Variants in TRIM8 observed in about 807,000 individuals in gnomAD.
TRIM8 encodes E3 ubiquitin-protein ligase TRIM8.
A neutral mutation model predicts 55.7 loss-of-function variants in TRIM8; 9 were observed. That is an observed-to-expected ratio of 0.16 (90% CI 0.10 to 0.28). The LOEUF (loss-of-function observed/expected upper bound fraction) is 0.28. Among genes scored for constraint, TRIM8 ranks in the 10% least tolerant of loss-of-function variants. The pLI, the probability that TRIM8 is intolerant of heterozygous loss-of-function variation, is 1.00. For synonymous variants in TRIM8, 335 were observed against 333.3 expected, an observed-to-expected ratio of 1.01 and a Z score of -0.06; for missense variants, 556 against 736.4, an observed-to-expected ratio of 0.76 and a Z score of 2.83.
At chr10:102,649,523 TCTGGG>T (rs2063963766) in intron 1 of TRIM8, among the ~76,000 whole-genome samples, 1 of 152,302 alleles carries the variant, frequency 6.6e-6, no homozygotes, top group South Asian at 2.1e-4. Context: ...CCTCCCTGGC[TCTGGG>T]AAAGCCTTCC....
rs1387524267 is a variant in TRIM8 at position 102,644,560 on chromosome 10, G to A, written c.-58G>A. Reference sequence around the variant, plus strand: ...CGGTGGGCCTACAGCGGCTCCGGACGGACCCCCGGGGCTGGGGAGTCGGGG... The same window carrying A: ...CGGTGGGCCTACAGCGGCTCCGGACAGACCCCCGGGGCTGGGGAGTCGGGG... On this transcript the variant is annotated 5_prime_UTR_variant, in exon 1 of 6. Coordinates refer to ENST00000643721, the MANE Select transcript of TRIM8 (RefSeq NM_030912.3). The A allele has an allele frequency of 3.9e-6, 6 of 1,549,040 alleles. No individual in the cohort carries two copies. Among genetic ancestry groups the A allele is most frequent in the Non-Finnish European group, 3.5e-6 (4 of 1,142,610 alleles).
chr10:102,646,270 C>T (rs1281499697), intron 1 of TRIM8, among the ~76,000 whole-genome samples: 1 of 152,140 alleles, frequency 6.6e-6, no homozygotes, highest in East Asian at 1.9e-4. Flanking sequence ...ACCGAGGAGT[C>T]CTCTCTGAAG....
intron 1 of TRIM8, among the ~76,000 whole-genome samples, chr10:102,647,646 G>A (rs143834308): frequency 1.6e-4 from 25 of 152,286 alleles, no homozygotes; most frequent in African/African-American, 4.8e-4. Flanking sequence ...TTCTCTTCCC[G>A]GAGGGAGTCT....
In TRIM8 at chr10:102,656,142, G is replaced by A; in HGVS notation, c.932+5G>A. On this transcript the variant is annotated splice_donor_5th_base_variant and intron_variant, in intron 4 of 5. Transcript: ENST00000643721. The surrounding 1 kb of genome is among the most constrained non-coding windows in gnomAD (Gnocchi z 4.6). ...TGTGAAAATCCTGATGGACAGGTAA[G>A]CTGAGGGCCCTAGCCCTCCCGGGGG... 1 of 1,614,144 alleles carries A rather than the reference G, an allele frequency of 6.2e-7. No homozygotes were observed. Among genetic ancestry groups the A allele is most frequent in the East Asian group, 2.2e-5 (1 of 44,874 alleles).
chr10:102,648,998 G>A (rs956600032), intron 1 of TRIM8, among the ~76,000 whole-genome samples: 1 of 151,408 alleles, frequency 6.6e-6, no homozygotes, highest in Non-Finnish European at 1.5e-5. Flanking sequence ...TGCCTTCTGC[G>A]GCCCTGGGTG....
chr10:102,655,255 A>G lies in TRIM8; in HGVS notation c.842A>G (p.Lys281Arg). 1 of 1,600,264 alleles carries G rather than the reference A, an allele frequency of 6.2e-7. No individual in the cohort carries two copies. The highest frequency in any genetic ancestry group is 8.5e-7 in the Non-Finnish European group (1 of 1,176,464). The change falls in exon 3 of 6, where the codon AAG (lysine) becomes AGG (arginine). Residue 281 changes from lysine to arginine, a missense_variant. Physicochemically the swap from Lys to Arg is conservative, Grantham distance 26. Transcript: ENST00000643721. ...GGGGAGCGCATGCAGGAGGCCAAGA[A>G]GCTGCTGGGCTCCCTGCAGCTGCTC... ...HLGERMQEAK[K>R]LLGSLQLLFD...
intron 1 of TRIM8, among the ~76,000 whole-genome samples, chr10:102,647,019 G>C (rs1482566282): frequency 1.3e-5 from 2 of 152,188 alleles, no homozygotes; most frequent in Non-Finnish European, 2.9e-5. Context: ...TTAGGTGTCT[G>C]TGTTTTTGAA....
chr10:102,650,606 T>C (rs2063976710), intron 1 of TRIM8, among the ~76,000 whole-genome samples: 1 of 152,174 alleles, frequency 6.6e-6, no homozygotes, highest in South Asian at 2.1e-4. Flanking sequence ...GTGTACGCAG[T>C]CCAGGCCATG....
Position 102,657,686 on chromosome 10 carries a change from T to G in TRIM8, c.*332T>G. The G allele has an allele frequency of 4.9e-6, 1 of 202,116 alleles. No homozygotes were observed. 12.5% of individuals were successfully genotyped at this position (202,116 alleles called of 1,614,324 possible). On this transcript the variant is annotated 3_prime_UTR_variant, in exon 6 of 6. Coordinates refer to ENST00000643721, the MANE Select transcript of TRIM8 (RefSeq NM_030912.3). ...CTACTCCTTCCCCTTCACACCCCCG[T>G]GGCTGGAAGGAACCTCGGCTTCCCT...
Position 102,650,410 on chromosome 10 carries a change from A to C in TRIM8, c.571-4243A>C, listed in dbSNP as rs900310915. On this transcript the variant is annotated intron_variant, in intron 1 of 5. Transcript: ENST00000643721. ...TGGAGGGTGGGAATGGCGGCTCCTGATTCTTCATGCTTTTGTCCTCATAGG... is the reference window on the plus strand; with the variant it reads ...TGGAGGGTGGGAATGGCGGCTCCTGCTTCTTCATGCTTTTGTCCTCATAGG... Among the ~76,000 whole-genome samples, 11 of 152,156 alleles carry C rather than the reference A, an allele frequency of 7.2e-5. No homozygotes were observed. The East Asian group carries it at 1.7e-3, about 24-fold the overall frequency.
At position 102,656,204 on chromosome 10, in the gene TRIM8, C is replaced by T. The variant is rs1162093064; in HGVS notation, c.933-66C>T. ...GAGGGCAGGGGGGCCAGGCCCATGG[C>T]GGGGAGGTAGGGCGGGCTCACCGGT... On this transcript the variant is annotated intron_variant, in intron 4 of 5. Transcript: ENST00000643721. The surrounding 1 kb of genome is among the most constrained non-coding windows in gnomAD (Gnocchi z 4.6). 37 of 1,613,908 alleles carry T rather than the reference C, an allele frequency of 2.3e-5. No homozygotes were observed. The Admixed American group carries it at 2.3e-4, about 10-fold the overall frequency.
intron 1 of TRIM8, among the ~76,000 whole-genome samples, chr10:102,648,103 C>T (rs960216291): frequency 3.3e-5 from 5 of 152,186 alleles, no homozygotes; most frequent in African/African-American, 1.2e-4. Flanking sequence ...GTGCCTAGAT[C>T]CTAAATGTGC....
rs1189706736 is a variant in TRIM8 at position 102,645,194 on chromosome 10, A to C, written c.570+7A>C. ...CCGAAGGAATGAAATCCGGGCAAGT[A>C]CCCTACGCGCGCGCGCGCACACACA... On this transcript the variant is annotated splice_region_variant and intron_variant, in intron 1 of 5. Transcript: ENST00000643721. 6.5e-7 allele frequency: 1 copy of C among 1,526,774 alleles called. No individual in the cohort carries two copies. Among genetic ancestry groups the C allele is most frequent in the Admixed American group, 2.0e-5 (1 of 50,450 alleles). The allele number at this position is 1,526,774 out of a possible 1,614,324, so 94.6% of individuals were successfully genotyped here. A position where few individuals can be genotyped will look rare whatever the true frequency, so the allele number is the denominator to read the frequency against.
chr10:102,648,799 G>A (rs1409390198), intron 1 of TRIM8, among the ~76,000 whole-genome samples: 2 of 152,118 alleles, frequency 1.3e-5, no homozygotes, highest in Non-Finnish European at 2.9e-5. Context: ...GCACGCACGT[G>A]TGTTTGTGGT....
intron 1 of TRIM8, among the ~76,000 whole-genome samples, chr10:102,650,310 C>A (rs1341424008): frequency 6.6e-6 from 1 of 152,198 alleles, no homozygotes; most frequent in Non-Finnish European, 1.5e-5. Context: ...TGTAGGGGCT[C>A]AGGGTTCGCT....
chr10:102,656,803 G>A lies in TRIM8; in HGVS notation c.1105G>A (p.Val369Met), dbSNP rs906018239. ...GAGTGTCCCCCTGTACCCTTGCGGC[G>A]TGAGCAGCTCTGGGGCGGAAAAGCG... ...LQSVPLYPCGVSSSGAEKRKH... is the reference protein window; with the variant it reads ...LQSVPLYPCGMSSSGAEKRKH... The change falls in exon 6 of 6, where the codon GTG becomes ATG. Residue 369 changes from valine to methionine, a missense_variant. By Grantham distance (21) the Val-to-Met change is conservative. This residue lies in a region of TRIM8 where 391 missense variants were observed against 441.0 expected (regional missense o/e 0.89). Coordinates refer to ENST00000643721, the MANE Select transcript of TRIM8 (RefSeq NM_030912.3). This position sits in a 1 kb window ranked among gnomAD's most constrained non-coding sequence, Gnocchi z 4.6. The A allele has an allele frequency of 2.0e-6, 3 of 1,521,742 alleles. No homozygotes were observed. The highest frequency in any genetic ancestry group is 1.4e-5 in the African/African-American group (1 of 71,886). 94.3% of individuals were successfully genotyped at this position (1,521,742 alleles called of 1,614,324 possible).
intron 1 of TRIM8, among the ~76,000 whole-genome samples, chr10:102,651,727 C>G (rs916771274): frequency 6.6e-6 from 1 of 152,202 alleles, no homozygotes; most frequent in African/African-American, 2.4e-5. Flanking sequence ...CTTGGGGCAA[C>G]CAGCAGGCAA....
chr10:102,651,344 C>G (rs1016393220), intron 1 of TRIM8, among the ~76,000 whole-genome samples: 1 of 152,150 alleles, frequency 6.6e-6, no homozygotes, highest in Non-Finnish European at 1.5e-5. Flanking sequence ...TGAGCCCCAC[C>G]CCCCCAGGAC....
In TRIM8 at chr10:102,656,699, G is replaced by A; in HGVS notation, c.1049-48G>A. On this transcript the variant is annotated intron_variant, in intron 5 of 5. Transcript: ENST00000643721. The surrounding 1 kb of genome is among the most constrained non-coding windows in gnomAD (Gnocchi z 4.6). ...TCCAACCCAGGGAGAGGAGGCCTGG[G>A]TTGCTTGGGGTGGGAGCTTTGGCGA... 5 of 1,507,094 alleles carry A rather than the reference G, an allele frequency of 3.3e-6. No individual in the cohort carries two copies. The highest frequency in any genetic ancestry group is 2.3e-5 in the East Asian group (1 of 43,576). The allele number at this position is 1,507,094 out of a possible 1,614,324, so 93.4% of individuals were successfully genotyped here. A position where few individuals can be genotyped will look rare whatever the true frequency, so the allele number is the denominator to read the frequency against.
Sources: allele counts gnomAD v4.1 joint callset (sites outside exome capture counted in the v4.1 genomes callset), GRCh38; gene constraint gnomAD v4.1.1; regional missense constraint gnomAD v4.1.1; non-coding constraint Gnocchi (gnomAD v3.1); transcripts MANE v1.5; gene names NCBI Gene and HGNC (gene_info 2026-07-23, HGNC 2026-07-21).